Variants in LRP1B observed in about 807,000 individuals in gnomAD.
LRP1B encodes the protein LDL receptor related protein 1B, also known as low-density lipoprotein receptor-related protein 1B.
LRP1B carries 217 observed loss-of-function variants against 556.6 expected under a neutral mutation model. The observed-to-expected ratio is 0.39, with a 90% CI of 0.35 to 0.44. The LOEUF (loss-of-function observed/expected upper bound fraction) is 0.44, where lower values mean the gene tolerates loss of function less well. LRP1B is among the 20% of genes least tolerant of loss of function. The pLI is 1.00. For missense variants in LRP1B, 5,053 were observed against 5,620.8 expected (o/e 0.90, Z 3.23); for synonymous variants, 2,047 against 1,865.8 (o/e 1.10, Z -2.50).
Position 141,646,678 on chromosome 2 carries a change from T to C in LRP1B, c.205+163601A>G, listed in dbSNP as rs552727885. On this transcript the variant is annotated intron_variant, in intron 2 of 90. Transcript: ENST00000389484. Reference sequence around the variant, plus strand: ...AACCGTATAAATAGTAATTACACAGTAAAAAGCTCAAGTAGTACTCAGGAG... The same window carrying C: ...AACCGTATAAATAGTAATTACACAGCAAAAAGCTCAAGTAGTACTCAGGAG... 1.4e-4 allele frequency among the ~76,000 whole-genome samples: 22 copies of C among 151,972 alleles called. No homozygotes were observed. In the South Asian group the frequency reaches 4.0e-3, roughly 27 times the overall value.
intron 2 of LRP1B, among the ~76,000 whole-genome samples, chr2:141,522,615 G>T (rs775394783): frequency 6.6e-6 from 1 of 152,072 alleles, no homozygotes; most frequent in African/African-American, 2.4e-5. Context: ...AGTCAGACTC[G>T]GGGAGATCTT....
intron 1 of LRP1B, among the ~76,000 whole-genome samples, chr2:141,954,897 T>C (rs1701205868): frequency 6.6e-6 from 1 of 152,138 alleles, no homozygotes; most frequent in South Asian, 2.1e-4. Context: ...TGTGTAGATA[T>C]TTTCAATATT....
chr2:141,003,846 A>G (rs1161327074), intron 15 of LRP1B, among the ~76,000 whole-genome samples: 1 of 152,074 alleles, frequency 6.6e-6, no homozygotes, highest in Non-Finnish European at 1.5e-5. Flanking sequence ...ATACCAGTGT[A>G]AGCATTCACT....
chr2:140,976,289 C>A (rs552116226), intron 18 of LRP1B, among the ~76,000 whole-genome samples: 6 of 152,028 alleles, frequency 3.9e-5, no homozygotes, highest in South Asian at 2.1e-4. Flanking sequence ...CTCCCTACCC[C>A]CTCCTCTACT....
At chr2:141,271,396 T>C (rs1301657056) in intron 3 of LRP1B, among the ~76,000 whole-genome samples, 3 of 147,380 alleles carry the variant, frequency 2.0e-5, no homozygotes, top group Non-Finnish European at 3.0e-5. Context: ...CAACCAAGAA[T>C]CAACAATGTC....
chr2:142,078,181 T>C (rs1045093781), intron 1 of LRP1B, among the ~76,000 whole-genome samples: 2 of 152,142 alleles, frequency 1.3e-5, no homozygotes, highest in African/African-American at 4.8e-5. Flanking sequence ...TGGGGCTCTC[T>C]ACAAACTGAT....
At chr2:141,449,090 T>C (rs1681309338) in intron 3 of LRP1B, among the ~76,000 whole-genome samples, 1 of 152,236 alleles carries the variant, frequency 6.6e-6, no homozygotes, top group Non-Finnish European at 1.5e-5. Flanking sequence ...CTTCCTTTCC[T>C]TAACTTAACT....
chr2:141,913,221 T>C (rs913925950), intron 1 of LRP1B, among the ~76,000 whole-genome samples: 9 of 152,146 alleles, frequency 5.9e-5, no homozygotes, highest in African/African-American at 2.2e-4. Context: ...TTATGTTTCG[T>C]ATATTTTGCC....
At chr2:140,982,862 T>TC (rs941716159) in intron 17 of LRP1B, among the ~76,000 whole-genome samples, 1 of 151,642 alleles carries the variant, frequency 6.6e-6, no homozygotes, top group Non-Finnish European at 1.5e-5. Context: ...TTAAGGTGTT[T>TC]TTTTTTTTAA....
intron 2 of LRP1B, among the ~76,000 whole-genome samples, chr2:141,801,670 G>A (rs141081173): frequency 3.9e-5 from 6 of 152,206 alleles, no homozygotes; most frequent in African/African-American, 1.4e-4. Context: ...CATTTGCATA[G>A]TAACTCTGTA....
intron 2 of LRP1B, among the ~76,000 whole-genome samples, chr2:141,526,653 T>C (rs1324579700): frequency 6.6e-6 from 1 of 152,032 alleles, no homozygotes; most frequent in East Asian, 1.9e-4. Flanking sequence ...GTTTTAATTG[T>C]AATGTAGACC....
chr2:140,501,616 T>G, intron 55 of LRP1B, 71 bp downstream of exon 55: 1 of 1,143,418 alleles, frequency 8.7e-7, no homozygotes, highest in Non-Finnish European at 1.2e-6. Flanking sequence ...TCATCTATAT[T>G]GGATTAAATA....
chr2:141,317,679 C>T (rs1687084824), intron 3 of LRP1B, among the ~76,000 whole-genome samples: 1 of 152,066 alleles, frequency 6.6e-6, no homozygotes, highest in African/African-American at 2.4e-5. Context: ...TCAGACAGAA[C>T]AGGGTGTGGA....
chr2:141,873,799 G>GT (rs1424421839), intron 1 of LRP1B, among the ~76,000 whole-genome samples: 1 of 141,606 alleles, frequency 7.1e-6, no homozygotes, highest in Non-Finnish European at 1.6e-5. Flanking sequence ...ATGGGATGAG[G>GT]TTAAAAAAAA....
rs140850323 is a variant in LRP1B at position 141,681,034 on chromosome 2, T to G, written c.205+129245A>C. 2.8e-4 allele frequency among the ~76,000 whole-genome samples: 43 copies of G among 152,224 alleles called. No homozygotes were observed. In the East Asian group the frequency reaches 7.9e-3, roughly 28 times the overall value. On this transcript the variant is annotated intron_variant, in intron 2 of 90. Coordinates refer to ENST00000389484, the MANE Select transcript of LRP1B (RefSeq NM_018557.3). ...TTGGCCCAGCTCAGTGGCTCATGCT[T>G]GTAATTCAGCACTTTGAGAGGCTGA...
intron 1 of LRP1B, among the ~76,000 whole-genome samples, chr2:142,032,929 T>C (rs1306672556): frequency 6.6e-6 from 1 of 151,864 alleles, no homozygotes; most frequent in East Asian, 1.9e-4. Context: ...TGTGAATCTA[T>C]CATTCTCCTT....
intron 1 of LRP1B, among the ~76,000 whole-genome samples, chr2:142,035,002 T>A (rs1352736931): frequency 6.6e-6 from 1 of 151,812 alleles, no homozygotes; most frequent in Non-Finnish European, 1.5e-5. Flanking sequence ...TGAATAAAGA[T>A]CTTATTTCAT....
intron 17 of LRP1B, 146 bp downstream of exon 17, chr2:140,989,386 T>C: frequency 6.3e-6 from 5 of 793,916 alleles, no homozygotes; most frequent in Non-Finnish European, 1.0e-5. Context: ...CTAGCCTTTG[T>C]GGCATCAAAC....
chr2:141,644,236 C>A (rs936848247), intron 2 of LRP1B, among the ~76,000 whole-genome samples: 1 of 151,988 alleles, frequency 6.6e-6, no homozygotes, highest in Non-Finnish European at 1.5e-5. Flanking sequence ...ATGGGAGGAA[C>A]CCGGTGGGAG....
Sources: gnomAD v4.1 joint callset for allele counts (sites outside exome capture counted in the v4.1 genomes callset) on GRCh38, gnomAD v4.1.1 for gene constraint, MANE v1.5 for transcripts, NCBI Gene and HGNC (gene_info 2026-07-23, HGNC 2026-07-21) for gene names.